SLC24A3: variants seen among roughly 807,000 people sequenced by gnomAD.
SLC24A3 encodes the protein sodium/potassium/calcium exchanger 3.
Under a neutral mutation model 75.8 loss-of-function variants are expected in SLC24A3, and 28 were observed. The observed-to-expected ratio is 0.37, with a 90% CI of 0.27 to 0.51. The LOEUF (loss-of-function observed/expected upper bound fraction) is 0.51. Ranked by LOEUF, SLC24A3 falls within the 20% of genes least tolerant of loss-of-function variation. The probability of loss-of-function intolerance (pLI) is 0.94; values close to 1 mark genes in which losing one functional copy is unlikely to be tolerated. For missense variants in SLC24A3, 663 were observed against 847.8 expected, an observed-to-expected ratio of 0.78 and a Z score of 2.71; for synonymous variants, 372 against 334.1, an observed-to-expected ratio of 1.11 and a Z score of -1.24.
At chr20:19,525,338 A>T (rs1232638868) in intron 3 of SLC24A3, among the ~76,000 whole-genome samples, 1 of 152,172 alleles carries the variant, frequency 6.6e-6, no homozygotes, top group Non-Finnish European at 1.5e-5. Context: ...TGACTCCCCC[A>T]GAAGCAGACC....
intron 14 of SLC24A3, among the ~76,000 whole-genome samples, chr20:19,698,158 C>T (rs2032832257): frequency 6.6e-6 from 1 of 152,144 alleles, no homozygotes; most frequent in Non-Finnish European, 1.5e-5. Flanking sequence ...AGATCTCACT[C>T]ACTATCACAA....
intron 2 of SLC24A3, among the ~76,000 whole-genome samples, chr20:19,419,703 T>G (rs1481952603): frequency 1.3e-5 from 2 of 152,056 alleles, no homozygotes. Flanking sequence ...TGCCTTCCCG[T>G]GGGAGGCAGT....
intron 2 of SLC24A3, among the ~76,000 whole-genome samples, chr20:19,425,302 CA>C (rs11474288): frequency 3.9e-4 from 57 of 147,404 alleles, no homozygotes; most frequent in Middle Eastern, 3.5e-3. Flanking sequence ...GACTCCGTCT[CA>C]AAAAAAAAAA....
At chr20:19,309,802 A>C (rs1175382588) in intron 2 of SLC24A3, among the ~76,000 whole-genome samples, 1 of 147,960 alleles carries the variant, frequency 6.8e-6, no homozygotes. Flanking sequence ...TCCACATACC[A>C]ACATAGAATC....
chr20:19,554,551 A>G (rs896050134), intron 3 of SLC24A3, among the ~76,000 whole-genome samples: 20 of 152,230 alleles, frequency 1.3e-4, no homozygotes, highest in Non-Finnish European at 1.5e-5. Flanking sequence ...CAGTTTCCTC[A>G]TCTGTAAAAT....
chr20:19,377,917 G>C (rs1301285102), intron 2 of SLC24A3, among the ~76,000 whole-genome samples: 1 of 152,160 alleles, frequency 6.6e-6, no homozygotes, highest in African/African-American at 2.4e-5. Context: ...GTTGTATTGG[G>C]ACACAGCCAC....
intron 2 of SLC24A3, among the ~76,000 whole-genome samples, chr20:19,449,832 A>G (rs1450364234): frequency 6.6e-6 from 1 of 152,204 alleles, no homozygotes; most frequent in African/African-American, 2.4e-5. Context: ...AAGGGCTCCC[A>G]ATAGAGTGTT....
At chr20:19,257,664 C>T (rs1982855880) in intron 1 of SLC24A3, 1 of 152,172 alleles carries the variant, frequency 6.6e-6, no homozygotes, top group South Asian at 2.1e-4. Context: ...TCAGAAGTCT[C>T]ACTTATATCT....
rs149401943 is a variant in SLC24A3 at position 19,663,128 on chromosome 20, G to A, written c.688-2736G>A. On this transcript the variant is annotated intron_variant, in intron 7 of 16. Transcript: ENST00000328041. ...GTCTCCCCAAGGCTGGAATGCAGTG[G>A]CCAGATCATAGCTCACTGCAGCCTC... Among the ~76,000 whole-genome samples, 1,026 of 152,006 alleles carry A rather than the reference G, an allele frequency of 6.7e-3. 10 individuals are homozygous for A. The highest frequency in any genetic ancestry group is 0.023 in the African/African-American group (968 of 41,450).
At chr20:19,570,803 A>G (rs2031040550) in intron 3 of SLC24A3, among the ~76,000 whole-genome samples, 2 of 152,124 alleles carry the variant, frequency 1.3e-5, no homozygotes, top group South Asian at 4.1e-4. Flanking sequence ...TTCATAGTGG[A>G]AGGAAGTGCT....
At chr20:19,434,734 TTAGAGA>T (rs1004555344) in intron 2 of SLC24A3, among the ~76,000 whole-genome samples, 5 of 151,958 alleles carry the variant, frequency 3.3e-5, no homozygotes, top group Non-Finnish European at 5.9e-5. Flanking sequence ...AGATGGGAAC[TTAGAGA>T]TAGGATGCTT....
At chr20:19,477,680 C>T (rs1600245806) in intron 2 of SLC24A3, among the ~76,000 whole-genome samples, 1 of 152,180 alleles carries the variant, frequency 6.6e-6, no homozygotes, top group African/African-American at 2.4e-5. Context: ...ATGAGGGTGC[C>T]ATGTGCCATG....
At chr20:19,325,234 G>A (rs1984810674) in intron 2 of SLC24A3, among the ~76,000 whole-genome samples, 1 of 151,528 alleles carries the variant, frequency 6.6e-6, no homozygotes, top group African/African-American at 2.4e-5. Flanking sequence ...TCCAGCCTGG[G>A]AAACATGGTG....
At chr20:19,302,850 T>C (rs1344815780) in intron 2 of SLC24A3, among the ~76,000 whole-genome samples, 1 of 152,180 alleles carries the variant, frequency 6.6e-6, no homozygotes, top group Admixed American at 6.5e-5. Flanking sequence ...GTAATCAATA[T>C]GTGGGTTGTT....
intron 2 of SLC24A3, among the ~76,000 whole-genome samples, chr20:19,297,470 G>T (rs1398733910): frequency 6.6e-6 from 1 of 152,174 alleles, no homozygotes; most frequent in East Asian, 1.9e-4. Context: ...TATCACCATA[G>T]ATTAGTTTGT....
chr20:19,539,423 G>T (rs1439939157), intron 3 of SLC24A3, among the ~76,000 whole-genome samples: 1 of 152,266 alleles, frequency 6.6e-6, no homozygotes, highest in East Asian at 1.9e-4. Flanking sequence ...GAGCCTCGTG[G>T]CCTTGTGTGG....
At chr20:19,315,118 G>C (rs2122267150) in intron 2 of SLC24A3, among the ~76,000 whole-genome samples, 2 of 152,310 alleles carry the variant, frequency 1.3e-5, no homozygotes, top group South Asian at 4.1e-4. Context: ...TGCAAAGAAA[G>C]GGTCCTTGGC....
chr20:19,596,549 A>T (rs1448378851), intron 6 of SLC24A3, among the ~76,000 whole-genome samples: 3 of 152,166 alleles, frequency 2.0e-5, no homozygotes, highest in Non-Finnish European at 2.9e-5. Context: ...AGGGTCTCTG[A>T]GTAAATGGTG....
intron 15 of SLC24A3, among the ~76,000 whole-genome samples, chr20:19,704,046 C>T (rs2032901328): frequency 6.6e-6 from 1 of 152,198 alleles, no homozygotes; most frequent in Admixed American, 6.5e-5. Context: ...GAGAAGTGAC[C>T]TCCCTGAAGA....
Sources: allele counts gnomAD v4.1 joint callset (sites outside exome capture counted in the v4.1 genomes callset), GRCh38; gene constraint gnomAD v4.1.1; transcripts MANE v1.5; gene names NCBI Gene and HGNC (gene_info 2026-07-23, HGNC 2026-07-21).